Variants in IFT74 observed in about 807,000 individuals in gnomAD.
IFT74 encodes intraflagellar transport protein 74 homolog.
IFT74 carries 92 observed loss-of-function variants against 96.7 expected under a neutral mutation model. The observed-to-expected ratio is 0.95, with a 90% CI of 0.80 to 1.13. The LOEUF (loss-of-function observed/expected upper bound fraction) is 1.13, where lower values mean the gene tolerates loss of function less well. Among genes scored for constraint, IFT74 ranks in the 50% most tolerant of loss-of-function variants. The pLI is 0.00. For synonymous variants in IFT74, 223 were observed against 213.2 expected (o/e 1.05, Z -0.40); for missense variants, 811 against 698.2 (o/e 1.16, Z -1.82).
intron 1 of IFT74, among the ~76,000 whole-genome samples, chr9:26,948,975 A>G (rs1284400078): frequency 6.6e-6 from 1 of 151,698 alleles, no homozygotes; most frequent in Admixed American, 6.6e-5. Context: ...CACTTTCTCC[A>G]TCTGTCATAG....
chr9:26,984,468 A>C (rs780373620), intron 5 of IFT74, 31 bp from the exon 6 acceptor site: 1 of 1,597,580 alleles, frequency 6.3e-7, no homozygotes, highest in Non-Finnish European at 8.6e-7. Context: ...TTATGTACAT[A>C]TTTATGAATG....
At chr9:27,047,505 T>C (rs1430277052) in intron 15 of IFT74, 134 bp downstream of exon 15, 1 of 550,962 alleles carries the variant, frequency 1.8e-6, no homozygotes, top group Non-Finnish European at 3.2e-6. Flanking sequence ...CCCTTACTTG[T>C]TACTATTTAT....
At chr9:27,040,576 G>A (rs796310767) in intron 13 of IFT74, among the ~76,000 whole-genome samples, 53 of 144,988 alleles carry the variant, frequency 3.7e-4, no homozygotes, top group African/African-American at 1.2e-3. Context: ...AAGAAGGAAA[G>A]GTACTGGGAG....
intron 18 of IFT74, among the ~76,000 whole-genome samples, chr9:27,059,762 C>T (rs373412850): frequency 3.9e-5 from 6 of 152,324 alleles, no homozygotes; most frequent in South Asian, 2.1e-4. Context: ...CCTGAATTTA[C>T]GCCCTGAAAA....
At chr9:26,989,762 C>G (rs1321499089) in intron 7 of IFT74, among the ~76,000 whole-genome samples, 1 of 152,020 alleles carries the variant, frequency 6.6e-6, no homozygotes, top group Non-Finnish European at 1.5e-5. Context: ...AGATAATATC[C>G]TGAATGGTTC....
Position 27,011,901 on chromosome 9 carries a change from C to A in IFT74, c.727-5C>A. 3 of 1,527,076 alleles carry A rather than the reference C, an allele frequency of 2.0e-6. No individual in the cohort carries two copies. Among genetic ancestry groups the A allele is most frequent in the Non-Finnish European group, 2.6e-6 (3 of 1,137,130 alleles). 94.6% of individuals were successfully genotyped at this position (1,527,076 alleles called of 1,614,324 possible). On this transcript the variant is annotated splice_polypyrimidine_tract_variant and splice_region_variant and intron_variant, in intron 9 of 19. Transcript: ENST00000380062. ...ATTTATGTTTGCTTTTTTTTTTCCACTTAGGAATTAGATACACTTCAACAA... is the reference window on the plus strand; with the variant it reads ...ATTTATGTTTGCTTTTTTTTTTCCAATTAGGAATTAGATACACTTCAACAA...
At chr9:27,003,271 C>G (rs746880146) in intron 8 of IFT74, among the ~76,000 whole-genome samples, 4 of 151,868 alleles carry the variant, frequency 2.6e-5, no homozygotes, top group Non-Finnish European at 5.9e-5. Flanking sequence ...GCCTGTAATC[C>G]CAGCACTTTG....
Position 26,996,439 on chromosome 9 carries a change from G to A in IFT74, c.587+6244G>A, listed in dbSNP as rs767665002. 4.4e-6 allele frequency: 7 copies of A among 1,588,712 alleles called. No homozygotes were observed. The East Asian group carries it at 1.1e-4, about 26-fold the overall frequency. Reference sequence around the variant, plus strand: ...GTGGCATTCAGCCTTATGAGGTACTGTTTTGATATTGTAGCTCTGCAGGCT... The same window carrying A: ...GTGGCATTCAGCCTTATGAGGTACTATTTTGATATTGTAGCTCTGCAGGCT... On this transcript the variant is annotated intron_variant, in intron 8 of 19. Coordinates refer to ENST00000380062, the MANE Select transcript of IFT74 (RefSeq NM_025103.4).
intron 8 of IFT74, among the ~76,000 whole-genome samples, chr9:27,008,268 G>T (rs1828884628): frequency 6.6e-6 from 1 of 152,096 alleles, no homozygotes; most frequent in South Asian, 2.1e-4. Context: ...CACACTGGAT[G>T]ATTTACACGG....
rs368661432 is a variant in IFT74 at position 27,057,674 on chromosome 9, C to T, written c.1623+1215C>T. Among the ~76,000 whole-genome samples the T allele has an allele frequency of 5.5e-4, 83 of 152,006 alleles. No homozygotes were observed. The Middle Eastern group carries it at 0.014, about 25-fold the overall frequency. ...AGATCAAGACCATCCTGGCTAACAA[C>T]GGTGAAACCCCGTCTCTACTAAAAA... On this transcript the variant is annotated intron_variant, in intron 18 of 19. Transcript: ENST00000380062.
rs373180931 is a variant in IFT74, at chr9:26,974,729, C to G, written c.121-3399C>G. 3.3e-5 allele frequency among the ~76,000 whole-genome samples: 5 copies of G among 152,244 alleles called. No homozygotes were observed. The East Asian group carries it at 9.6e-4, about 29-fold the overall frequency. ...TTTTTCTCCTCCGAAAAGAGGATGC[C>G]TGGGATGGATATTAACTCGACCCAG... On this transcript the variant is annotated intron_variant, in intron 2 of 19. Coordinates refer to ENST00000380062, the MANE Select transcript of IFT74 (RefSeq NM_025103.4).
chr9:26,967,534 GCAAA>G (rs1826680429), intron 2 of IFT74, among the ~76,000 whole-genome samples: 1 of 152,062 alleles, frequency 6.6e-6, no homozygotes, highest in South Asian at 2.1e-4. Flanking sequence ...CATATCATCT[GCAAA>G]CAGAGTTAAT....
At position 27,063,039 on chromosome 9, in the gene IFT74, A is replaced by T; in HGVS notation, c.*303A>T. ...CTGGTATAATCCATCTATGGCAACA[A>T]ATGAGATAAGCTTTTCTTGTATCAA... On this transcript the variant is annotated 3_prime_UTR_variant, in exon 20 of 20. Transcript: ENST00000380062. 4.4e-5 allele frequency: 11 copies of T among 252,282 alleles called. 1 individual carries two copies. In the South Asian group the frequency reaches 7.0e-4, roughly 16 times the overall value. 15.6% of individuals were successfully genotyped at this position (252,282 alleles called of 1,614,324 possible). A position where few individuals can be genotyped will look rare whatever the true frequency, so the allele number is the denominator to read the frequency against.
chr9:27,038,642 G>T (rs747214792), intron 13 of IFT74, among the ~76,000 whole-genome samples: 23 of 152,326 alleles, frequency 1.5e-4, no homozygotes, highest in South Asian at 4.1e-4. Flanking sequence ...GATCAAGGGT[G>T]ACTTCGAGGA....
intron 8 of IFT74, among the ~76,000 whole-genome samples, chr9:26,991,388 T>C (rs1035336193): frequency 6.6e-6 from 1 of 152,084 alleles, no homozygotes; most frequent in Non-Finnish European, 1.5e-5. Flanking sequence ...GCCCAGCTAA[T>C]TTTTTGTTTC....
chr9:26,958,741 C>T (rs1826225705), intron 1 of IFT74, among the ~76,000 whole-genome samples: 1 of 151,930 alleles, frequency 6.6e-6, no homozygotes, highest in Admixed American at 6.6e-5. Flanking sequence ...ATATAAACAC[C>T]GCAAGCTGAG....
intron 16 of IFT74, among the ~76,000 whole-genome samples, chr9:27,054,173 TTC>T (rs1820057550): frequency 6.6e-6 from 1 of 152,228 alleles, no homozygotes; most frequent in Non-Finnish European, 1.5e-5. Context: ...TTTTTTACTC[TTC>T]AAATTCATTC....
intron 16 of IFT74, among the ~76,000 whole-genome samples, 180 bp from the exon 17 acceptor site, chr9:27,055,429 G>T (rs1196237417): frequency 6.6e-6 from 1 of 151,874 alleles, no homozygotes; most frequent in East Asian, 1.9e-4. Context: ...ACCTGAAATT[G>T]GTTATTGAGG....
upstream of IFT74, among the ~76,000 whole-genome samples, chr9:26,954,261 C>G (rs1463402489): frequency 2.0e-5 from 3 of 152,196 alleles, no homozygotes; most frequent in African/African-American, 7.2e-5. Flanking sequence ...CATGAGGAAA[C>G]TGAAACTTAA....
Sources: gnomAD v4.1 joint callset for allele counts (sites outside exome capture counted in the v4.1 genomes callset) on GRCh38, gnomAD v4.1.1 for gene constraint, MANE v1.5 for transcripts, NCBI Gene and HGNC (gene_info 2026-07-23, HGNC 2026-07-21) for gene names.